The following EFCAB11 variants were observed in gnomAD, a reference collection of about 807,000 sequenced individuals.
The protein encoded by EFCAB11 is EF-hand calcium-binding domain-containing protein 11.
In EFCAB11, 14 loss-of-function variants were observed where a neutral mutation model predicts 23.0. The observed-to-expected ratio is 0.61, with a 90% CI of 0.40 to 0.95. The LOEUF (loss-of-function observed/expected upper bound fraction) is 0.95. Among genes scored for constraint, EFCAB11 ranks in the 40% least tolerant of loss-of-function variants. EFCAB11 has a pLI of 0.00. For synonymous variants in EFCAB11, 65 were observed against 66.6 expected (o/e 0.98, Z 0.11); for missense variants, 198 against 195.8 (o/e 1.01, Z -0.07).
intron 5 of EFCAB11, among the ~76,000 whole-genome samples, chr14:89,902,520 A>G (rs895913089): frequency 3.9e-5 from 6 of 152,204 alleles, no homozygotes; most frequent in Non-Finnish European, 7.3e-5. Context: ...CCAGTAGATT[A>G]ATAAAAATAT....
At chr14:89,813,027 G>C (rs978549301) in intron 5 of EFCAB11, among the ~76,000 whole-genome samples, 1 of 152,028 alleles carries the variant, frequency 6.6e-6, no homozygotes, top group African/African-American at 2.4e-5. Flanking sequence ...ATGGGCAAAT[G>C]GTATGAATAG....
chr14:89,823,498 T>C (rs893255083), intron 5 of EFCAB11, among the ~76,000 whole-genome samples: 6 of 152,178 alleles, frequency 3.9e-5, no homozygotes, highest in African/African-American at 1.4e-4. Context: ...GCTGTTAAGA[T>C]TGTGGCAGTT....
At chr14:89,951,009 C>T (rs1394118010) in intron 2 of EFCAB11, among the ~76,000 whole-genome samples, 1 of 151,914 alleles carries the variant, frequency 6.6e-6, no homozygotes, top group Non-Finnish European at 1.5e-5. Context: ...TGAGCAACCA[C>T]ATGGAAACCA....
In EFCAB11 at chr14:89,840,162, A is replaced by G. The variant is rs868002235; in HGVS notation, c.411-42838T>C. 5.3e-5 allele frequency among the ~76,000 whole-genome samples: 8 copies of G among 152,348 alleles called. No individual in the cohort carries two copies. The South Asian group carries it at 1.2e-3, about 24-fold the overall frequency. On this transcript the variant is annotated intron_variant, in intron 5 of 5. Coordinates refer to ENST00000316738, the MANE Select transcript of EFCAB11 (RefSeq NM_145231.4). ...AACACAAGTATATTCAAGTTTCTCA[A>G]TATGAGAAATCTAGAAAAACTGCAA...
intron 5 of EFCAB11, among the ~76,000 whole-genome samples, chr14:89,836,844 C>A (rs1790867271): frequency 6.6e-6 from 1 of 152,072 alleles, no homozygotes; most frequent in Admixed American, 6.6e-5. Flanking sequence ...CATGGTAAAA[C>A]CTCGTCTCTA....
At chr14:89,899,310 T>C (rs941213471) in intron 5 of EFCAB11, among the ~76,000 whole-genome samples, 1 of 152,174 alleles carries the variant, frequency 6.6e-6, no homozygotes, top group Admixed American at 6.5e-5. Context: ...CTGGCTAATA[T>C]AGAAAAAGAA....
intron 5 of EFCAB11, among the ~76,000 whole-genome samples, chr14:89,821,844 C>T (rs1886528984): frequency 6.6e-6 from 1 of 152,224 alleles, no homozygotes; most frequent in African/African-American, 2.4e-5. Flanking sequence ...ATAATCATGA[C>T]TTTCTTGATT....
chr14:89,887,188 C>T (rs1454177510), intron 5 of EFCAB11, among the ~76,000 whole-genome samples: 1 of 152,142 alleles, frequency 6.6e-6, no homozygotes, highest in Non-Finnish European at 1.5e-5. Context: ...CAAAAATCTT[C>T]CCTGAGATTT....
intron 5 of EFCAB11, among the ~76,000 whole-genome samples, chr14:89,814,721 C>T (rs1424294172): frequency 6.6e-6 from 1 of 151,694 alleles, no homozygotes; most frequent in Non-Finnish European, 1.5e-5. Context: ...AAAAAAATCA[C>T]CCAGCCCCAC....
At chr14:89,912,551 A>G (rs1163056331) in intron 5 of EFCAB11, among the ~76,000 whole-genome samples, 2 of 152,224 alleles carry the variant, frequency 1.3e-5, no homozygotes, top group Non-Finnish European at 2.9e-5. Context: ...ATATCTGTAC[A>G]TTAATATATG....
rs190593222 is a variant in EFCAB11, at chr14:89,814,692, G to A, written c.411-17368C>T. On this transcript the variant is annotated intron_variant, in intron 5 of 5. Transcript: ENST00000316738. The stretch of plus-strand genomic sequence containing the variant: ...GCACTCCAGCCTGGGCAACAAGAGC[G>A]AAACTCCCTTTCAAAAAAAAAAAAA... Among the ~76,000 whole-genome samples, 510 of 148,728 alleles carry A rather than the reference G, an allele frequency of 3.4e-3. 13 individuals carry two copies. Among genetic ancestry groups the A allele is most frequent in the Admixed American group, 0.028 (424 of 14,978 alleles).
chr14:89,859,139 T>C, intron 5 of EFCAB11, among the ~76,000 whole-genome samples: 1 of 152,204 alleles, frequency 6.6e-6, no homozygotes, highest in East Asian at 1.9e-4. Flanking sequence ...AATTATTAGA[T>C]AACAATGAGC....
At chr14:89,867,664 T>C (rs981012972) in intron 5 of EFCAB11, among the ~76,000 whole-genome samples, 16 of 152,356 alleles carry the variant, frequency 1.1e-4, no homozygotes, top group Admixed American at 2.0e-4. Flanking sequence ...GTTTTAATAA[T>C]GCAAATGCCT....
At chr14:89,859,709 T>G (rs1000461141) in intron 5 of EFCAB11, among the ~76,000 whole-genome samples, 2 of 151,652 alleles carry the variant, frequency 1.3e-5, no homozygotes, top group African/African-American at 4.8e-5. Flanking sequence ...TAGCCTGAGG[T>G]TAGGAGGGTA....
intron 5 of EFCAB11, among the ~76,000 whole-genome samples, chr14:89,885,730 A>C (rs192349091): frequency 3.1e-5 from 4 of 130,810 alleles, no homozygotes; most frequent in Admixed American, 2.4e-4. Flanking sequence ...AGAGAGAAAG[A>C]GAGAGAGAGA....
At chr14:89,888,112 G>A (rs1402685377) in intron 5 of EFCAB11, among the ~76,000 whole-genome samples, 4 of 152,182 alleles carry the variant, frequency 2.6e-5, no homozygotes, top group Admixed American at 6.5e-5. Flanking sequence ...AGAAAATGCT[G>A]TTGCTATGGT....
chr14:89,931,385 T>C, intron 5 of EFCAB11, 156 bp downstream of exon 5: 1 of 689,678 alleles, frequency 1.4e-6, no homozygotes, highest in Non-Finnish European at 2.4e-6. Context: ...CATAGCTAAC[T>C]ATAGATTTCC....
At chr14:89,946,982 G>A (rs1891009109) in intron 3 of EFCAB11, among the ~76,000 whole-genome samples, 1 of 151,956 alleles carries the variant, frequency 6.6e-6, no homozygotes, top group Non-Finnish European at 1.5e-5. Context: ...TACTATTAAG[G>A]ATGTTATTAG....
chr14:89,945,254 A>T (rs1350542925), intron 3 of EFCAB11, among the ~76,000 whole-genome samples: 1 of 151,496 alleles, frequency 6.6e-6, no homozygotes, highest in Non-Finnish European at 1.5e-5. Flanking sequence ...TCCTCCACTT[A>T]TTTCGGGCCT....
Sources: gnomAD v4.1 joint callset for allele counts (sites outside exome capture counted in the v4.1 genomes callset) on GRCh38, gnomAD v4.1.1 for gene constraint, MANE v1.5 for transcripts, NCBI Gene and HGNC (gene_info 2026-07-23, HGNC 2026-07-21) for gene names.